Variants in BCL2L10 observed in about 807,000 individuals in gnomAD.
BCL2L10 encodes the protein BCL2 like 10.
In BCL2L10, 14 loss-of-function variants were observed where a neutral mutation model predicts 11.1. The observed-to-expected ratio is 1.26, with a 90% CI of 0.83 to 1.96. The LOEUF is 1.96. Among genes scored for constraint, BCL2L10 ranks in the 30% most tolerant of loss-of-function variants. BCL2L10 has a pLI of 0.00. For synonymous variants in BCL2L10, 154 were observed against 133.4 expected, an observed-to-expected ratio of 1.15 and a Z score of -1.07; for missense variants, 309 against 273.9, an observed-to-expected ratio of 1.13 and a Z score of -0.90.
In BCL2L10 at chr15:52,112,424, C is replaced by T; in HGVS notation, c.303G>A (p.Val101=). Residue 101 remains valine (V), a synonymous_variant, in exon 1 of 2, where the codon GTG becomes GTA. Transcript: ENST00000260442. ...GPTWGRVVTL[V]TFAGTLLERG... ...TCTCCAGCAGCGTCCCTGCGAAGGT[C>T]ACGAGCGTCACCACTCTGCCCCAGG... 1 of 1,607,330 alleles carries T rather than the reference C, an allele frequency of 6.2e-7. No individual in the cohort carries two copies. The highest frequency in any genetic ancestry group is 1.3e-5 in the African/African-American group (1 of 74,976).
Position 52,109,805 on chromosome 15 carries a change from G to C in BCL2L10, c.*43C>G, listed in dbSNP as rs2231296. 7.1e-3 allele frequency: 11,351 copies of C among 1,606,366 alleles called. 662 individuals carry two copies. In the African/African-American group the frequency reaches 0.13, roughly 18 times the overall value. ...GTTCTCACACATCTGTCATTTAGTTGGTCACAGTTGGGCAGGTAGAAGCGG... is the reference window on the plus strand; with the variant it reads ...GTTCTCACACATCTGTCATTTAGTTCGTCACAGTTGGGCAGGTAGAAGCGG... On this transcript the variant is annotated 3_prime_UTR_variant, in exon 2 of 2. Coordinates refer to ENST00000260442, the MANE Select transcript of BCL2L10 (RefSeq NM_020396.4).
intron 1 of BCL2L10, among the ~76,000 whole-genome samples, chr15:52,110,688 C>T (rs1039059670): frequency 6.6e-6 from 1 of 152,158 alleles, no homozygotes; most frequent in Non-Finnish European, 1.5e-5. Flanking sequence ...CTGCCTTGGC[C>T]TCCCAAAGTG....
intron 1 of BCL2L10, among the ~76,000 whole-genome samples, chr15:52,111,564 A>G (rs2033057378): frequency 6.6e-6 from 1 of 152,180 alleles, no homozygotes; most frequent in African/African-American, 2.4e-5. Context: ...CAGTGGGCTC[A>G]TCACCAGGTG....
In BCL2L10 at chr15:52,110,116, C is replaced by G. The variant is rs972622735; in HGVS notation, c.490-143G>C. The G allele has an allele frequency of 2.4e-5, 18 of 759,116 alleles. No homozygotes were observed. The South Asian group carries it at 3.3e-4, about 14-fold the overall frequency. 47.0% of individuals were successfully genotyped at this position (759,116 alleles called of 1,614,324 possible). A position where few individuals can be genotyped will look rare whatever the true frequency, so the allele number is the denominator to read the frequency against. ...AAAGGAAATTCTGACCAATACACAT[C>G]CAGTAATGAGGAGCCCCTGAGGAGT... On this transcript the variant is annotated intron_variant, in intron 1 of 1. Coordinates refer to ENST00000260442, the MANE Select transcript of BCL2L10 (RefSeq NM_020396.4).
At position 52,109,959 on chromosome 15, in the gene BCL2L10, G is replaced by A. The variant is rs750415498; in HGVS notation, c.504C>T (p.His168=). The A allele has an allele frequency of 6.2e-7, 1 of 1,611,910 alleles. No individual in the cohort carries two copies. Among genetic ancestry groups the A allele is most frequent in the Non-Finnish European group, 8.5e-7 (1 of 1,179,028 alleles). ...CCAGTGGAAAGGGGGTCCTGAAGAA[G>A]TGACAAAAGCCATCCTACAGGGGGG... The part of the protein sequence containing the change: ...QAQGGWDGFC[H]FFRTPFPLAF... The change falls in exon 2 of 2, where the codon CAC becomes CAT. Residue 168 remains histidine, a synonymous_variant. Transcript: ENST00000260442.
In BCL2L10 at chr15:52,109,726, A is replaced by T; in HGVS notation, c.*122T>A. 7.4e-7 allele frequency: 1 copy of T among 1,354,472 alleles called. No homozygotes were observed. The highest frequency in any genetic ancestry group is 1.0e-6 in the Non-Finnish European group (1 of 983,682). The allele number at this position is 1,354,472 out of a possible 1,614,324, so 83.9% of individuals were successfully genotyped here. On this transcript the variant is annotated 3_prime_UTR_variant, in exon 2 of 2. Transcript: ENST00000260442. ...AAATCACCACCTCAGGACTCCTTGT[A>T]TGCATTCAGATAAAAACGTCTGGGG...
intron 1 of BCL2L10, among the ~76,000 whole-genome samples, chr15:52,111,612 C>T (rs1220272587): frequency 6.6e-6 from 1 of 151,936 alleles, no homozygotes; most frequent in African/African-American, 2.4e-5. Flanking sequence ...AAGGGCCTGT[C>T]CCTCTAACCT....
Position 52,112,311 on chromosome 15 carries a change from T to C in BCL2L10, c.416A>G (p.Gln139Arg), listed in dbSNP as rs1378876634. 3.2e-6 allele frequency: 5 copies of C among 1,576,572 alleles called. No homozygotes were observed. The African/African-American group carries it at 6.8e-5, about 21-fold the overall frequency. The change falls in exon 1 of 2, where the codon CAG becomes CGG. Residue 139 changes from glutamine (Q) to arginine (R), a missense_variant. By Grantham distance (43) the Gln-to-Arg change is conservative. Coordinates refer to ENST00000260442, the MANE Select transcript of BCL2L10 (RefSeq NM_020396.4). ...CGAGCTCAGCAAGGCCACCAGGCGC[T>C]GGCAGTCCCGGGCGACGTCGCCCTC... ...EQEGDVARDCQRLVALLSSRL... is the reference protein window; with the variant it reads ...EQEGDVARDCRRLVALLSSRL...
chr15:52,112,160 T>A, intron 1 of BCL2L10, 78 bp downstream of exon 1: 1 of 1,408,830 alleles, frequency 7.1e-7, no homozygotes, highest in Non-Finnish European at 9.2e-7. Flanking sequence ...GCGCGGTGGG[T>A]TCCTCACCGT....
intron 1 of BCL2L10, among the ~76,000 whole-genome samples, 164 bp from the exon 2 acceptor site, chr15:52,110,137 G>C (rs919293548): frequency 1.3e-5 from 2 of 152,230 alleles, no homozygotes; most frequent in African/African-American, 2.4e-5. Context: ...GAGCCCCTGA[G>C]GAGTGAGGAT....
chr15:52,112,151 C>T lies in BCL2L10; in HGVS notation c.489+87G>A, dbSNP rs919883436. On this transcript the variant is annotated intron_variant, in intron 1 of 1. Coordinates refer to ENST00000260442, the MANE Select transcript of BCL2L10 (RefSeq NM_020396.4). ...ACGAAACCTCGTTCCAGGGGCCTGGCGCGGTGGGTTCCTCACCGTGCCAGC... is the reference window on the plus strand; with the variant it reads ...ACGAAACCTCGTTCCAGGGGCCTGGTGCGGTGGGTTCCTCACCGTGCCAGC... 6 of 1,400,442 alleles carry T rather than the reference C, an allele frequency of 4.3e-6. No individual in the cohort carries two copies. The Admixed American group carries it at 1.9e-4, about 44-fold the overall frequency. The allele number at this position is 1,400,442 out of a possible 1,614,324, so 86.8% of individuals were successfully genotyped here. A position where few individuals can be genotyped will look rare whatever the true frequency, so the allele number is the denominator to read the frequency against.
Position 52,109,753 on chromosome 15 carries a change from G to C in BCL2L10, c.*95C>G, listed in dbSNP as rs1017070926. ...GCATTCAGATAAAAACGTCTGGGGT[G>C]GGGGAAGGTGCTTTCCCTCAGTTCT... On this transcript the variant is annotated 3_prime_UTR_variant, in exon 2 of 2. Transcript: ENST00000260442. 4.3e-5 allele frequency: 65 copies of C among 1,511,470 alleles called. No homozygotes were observed. The highest frequency in any genetic ancestry group is 5.5e-5 in the Non-Finnish European group (61 of 1,109,226). 93.6% of individuals were successfully genotyped at this position (1,511,470 alleles called of 1,614,324 possible).
At chr15:52,112,193 G>T (rs1006151672) in intron 1 of BCL2L10, 45 bp downstream of exon 1, 1 of 1,432,046 alleles carries the variant, frequency 7.0e-7, no homozygotes, top group Non-Finnish European at 9.1e-7. Flanking sequence ...GGCGCTTCCC[G>T]GCTGCCCGTC....
In BCL2L10 at chr15:52,112,454, G is replaced by A. The variant is rs767576942; in HGVS notation, c.273C>T (p.Gly91=). 1.3e-5 allele frequency: 21 copies of A among 1,606,012 alleles called. No individual in the cohort carries two copies. The African/African-American group carries it at 2.3e-4, about 17-fold the overall frequency. The change falls in exon 1 of 2, where the codon GGC becomes GGT. Residue 91 remains glycine (G), a synonymous_variant. Coordinates refer to ENST00000260442, the MANE Select transcript of BCL2L10 (RefSeq NM_020396.4). ...MADSVLSDSP[G]PTWGRVVTLV... is the part of the protein sequence containing the mutation. ...GCGTCACCACTCTGCCCCAGGTGGG[G>A]CCGGGGCTGTCGGAGAGCACGGAAT...
chr15:52,112,632 C>G lies in BCL2L10; in HGVS notation c.95G>C (p.Arg32Pro). The G allele has an allele frequency of 6.4e-7, 1 of 1,564,296 alleles. No individual in the cohort carries two copies. The highest frequency in any genetic ancestry group is 8.6e-7 in the Non-Finnish European group (1 of 1,163,306). ...LLADYLGYCAREPGTPEPAPS... is the reference protein window; with the variant it reads ...LLADYLGYCAPEPGTPEPAPS... ...CGCCGGCTCGGGGGTGCCGGGTTCC[C>G]GGGCGCAGTACCCCAGGTAGTCGGC... The change falls in exon 1 of 2, where the codon CGG (arginine) becomes CCG (proline). Residue 32 changes from arginine to proline, a missense_variant. Transcript: ENST00000260442.
chr15:52,112,669 C>A lies in BCL2L10; in HGVS notation c.58G>T (p.Glu20Ter), dbSNP rs900651392. 5 of 1,545,010 alleles carry A rather than the reference C, an allele frequency of 3.2e-6. No individual in the cohort carries two copies. The highest frequency in any genetic ancestry group is 4.3e-6 in the Non-Finnish European group (5 of 1,152,210). Residue 20 changes from glutamate to a stop codon, truncating the protein, a stop_gained, in exon 1 of 2, where the codon GAG (glutamate) becomes TAG (stop). Transcript: ENST00000260442. LOFTEE classifies it high-confidence loss of function. ...TMADPLRERTELLLADYLGYC... is the reference protein window; with the variant it reads ...TMADPLRERT ...CCCAGGTAGTCGGCCAGCAACAGCT[C>A]GGTGCGCTCCCGCAGCGGGTCGGCC...
chr15:52,112,031 A>C, intron 1 of BCL2L10: 1 of 1,042,208 alleles, frequency 9.6e-7, no homozygotes, highest in Non-Finnish European at 1.3e-6. Context: ...CCGTCTAAGA[A>C]GGCCGATTTC....
intron 1 of BCL2L10, among the ~76,000 whole-genome samples, chr15:52,111,931 G>GC (rs886920460): frequency 2.6e-5 from 4 of 152,196 alleles, no homozygotes; most frequent in African/African-American, 9.6e-5. Context: ...TAACGTGGGT[G>GC]CCCCCCTAAA....
rs769447348 is a variant in BCL2L10 at position 52,112,350 on chromosome 15, C to G, written c.377G>C (p.Arg126Pro). 1.2e-6 allele frequency: 2 copies of G among 1,600,342 alleles called. No individual in the cohort carries two copies. The highest frequency in any genetic ancestry group is 3.4e-5 in the Admixed American group (2 of 59,628). ...ARWKKWGFQPRLKEQEGDVAR... is the reference protein window; with the variant it reads ...ARWKKWGFQPPLKEQEGDVAR... The stretch of plus-strand genomic sequence containing the variant: ...GACGTCGCCCTCCTGCTCCTTTAGC[C>G]GCGGCTGGAAGCCCCACTTCTTCCA... Residue 126 changes from arginine (R) to proline (P), a missense_variant, in exon 1 of 2, where the codon CGG becomes CCG. By Grantham distance (103) the Arg-to-Pro change is moderately radical (BLOSUM62 -2). Coordinates refer to ENST00000260442, the MANE Select transcript of BCL2L10 (RefSeq NM_020396.4).
Sources: gnomAD v4.1 joint callset for allele counts (sites outside exome capture counted in the v4.1 genomes callset) on GRCh38, gnomAD v4.1.1 for gene constraint, MANE v1.5 for transcripts, NCBI Gene and HGNC (gene_info 2026-07-23, HGNC 2026-07-21) for gene names.